The following DNA2 variants were observed in gnomAD, a reference collection of about 807,000 sequenced individuals.
DNA2 encodes the protein DNA replication ATP-dependent helicase/nuclease DNA2.
DNA2 carries 101 observed loss-of-function variants against 119.1 expected under a neutral mutation model. The observed-to-expected ratio is 0.85, with a 90% confidence interval of 0.72 to 1.00. The LOEUF (loss-of-function observed/expected upper bound fraction) is 1.00, where lower values mean the gene tolerates loss of function less well. DNA2 is among the 50% of genes least tolerant of loss of function. The pLI is 0.00. For synonymous variants in DNA2, 366 were observed against 424.4 expected (o/e 0.86, Z 1.69); for missense variants, 1,121 against 1,255.5 (o/e 0.89, Z 1.62).
chr10:68,468,357 T>C (rs771039684), intron 2 of DNA2, 51 bp from the exon 3 acceptor site: 3 of 1,235,794 alleles, frequency 2.4e-6, no homozygotes, highest in South Asian at 2.6e-5. Context: ...GGTTCCTACA[T>C]GTAAACGTAT....
intron 1 of DNA2, 73 bp downstream of exon 1, chr10:68,471,718 C>A (rs1042953743): frequency 1.6e-5 from 23 of 1,468,924 alleles, no homozygotes; most frequent in East Asian, 2.5e-5. Context: ...TGAGGCGGTG[C>A]GGACGCAGCC....
Position 68,443,356 on chromosome 10 carries a change from G to A in DNA2, c.1221-245C>T, listed in dbSNP as rs77444626. Reference sequence around the variant, plus strand: ...CTATCCCCCAAACAACTCAGGTTGGGTAAACCCTAATCTTCATTCCCATAT... The same window carrying A: ...CTATCCCCCAAACAACTCAGGTTGGATAAACCCTAATCTTCATTCCCATAT... On this transcript the variant is annotated intron_variant, in intron 8 of 20. Transcript: ENST00000358410. Among the ~76,000 whole-genome samples the A allele has an allele frequency of 4.5e-3, 679 of 152,250 alleles. 5 individuals are homozygous for A. The highest frequency in any genetic ancestry group is 0.015 in the African/African-American group (604 of 41,552).
In DNA2 at chr10:68,415,275, CT is replaced by C. The variant is rs549702509; in HGVS notation, c.3115-169del. On this transcript the variant is annotated intron_variant, in intron 20 of 20. Coordinates refer to ENST00000358410, the MANE Select transcript of DNA2 (RefSeq NM_001080449.3). ...CCTTTAAGCAACAGGAGTTATTTAT[CT>C]TTTTTTTTTTTTTTTCTGAGATGGA... Among the ~76,000 whole-genome samples the C allele has an allele frequency of 0.14, 18,871 of 138,712 alleles. 1,262 individuals carry two copies. Among genetic ancestry groups the C allele is most frequent in the South Asian group, 0.24 (1,054 of 4,390 alleles). 91.0% of individuals were successfully genotyped at this position (138,712 alleles called of 152,430 possible).
In DNA2 at chr10:68,450,108, C is replaced by A; in HGVS notation, c.859G>T (p.Gly287Trp). Reference protein sequence around the residue: ...DVTVGVKIHRGYKTKYKIMPL... With the variant: ...DVTVGVKIHRWYKTKYKIMPL... ...ATTATCTTGTATTTTGTTTTATACC[C>A]TCGATGTATTTTCACACCAACTGTA... The change falls in exon 6 of 21, where the codon GGG becomes TGG. Residue 287 changes from glycine to tryptophan, a missense_variant. Transcript: ENST00000358410. The A allele has an allele frequency of 6.2e-7, 1 of 1,604,096 alleles. No homozygotes were observed.
intron 5 of DNA2, among the ~76,000 whole-genome samples, chr10:68,454,462 G>T (rs2052158559): frequency 6.6e-6 from 1 of 150,946 alleles, no homozygotes; most frequent in African/African-American, 2.4e-5. Context: ...AAAAGTAAAA[G>T]AAAAGCTTAT....
At chr10:68,424,640 G>C in intron 14 of DNA2, 1 of 1,599,376 alleles carries the variant, frequency 6.3e-7, no homozygotes, top group Admixed American at 1.7e-5. Flanking sequence ...ACGTGCACCG[G>C]AAGATCATGT....
At chr10:68,462,516 G>A in intron 4 of DNA2, among the ~76,000 whole-genome samples, 1 of 152,058 alleles carries the variant, frequency 6.6e-6, no homozygotes. Context: ...TAGTGTAAAG[G>A]GGTCCTGAGA....
chr10:68,471,747 A>G (rs1249017360), intron 1 of DNA2, 44 bp downstream of exon 1: 1 of 1,527,582 alleles, frequency 6.5e-7, no homozygotes, highest in Non-Finnish European at 8.8e-7. Context: ...TCCTTCTTTC[A>G]AATCTCCCGC....
At chr10:68,434,649 C>CA (rs11317417) in intron 10 of DNA2, among the ~76,000 whole-genome samples, 152 of 142,980 alleles carry the variant, frequency 1.1e-3, no homozygotes, top group East Asian at 5.1e-3. Context: ...GACCATGTGT[C>CA]AAAAAAAAAA....
At chr10:68,424,503 C>CA (rs60968180) in intron 14 of DNA2, 76,401 of 458,762 alleles carry the variant, frequency 0.17, 492 homozygotes, top group Non-Finnish European at 0.19. Flanking sequence ...GTCACTGTCT[C>CA]AAAAAAAAAA....
Position 68,424,856 on chromosome 10 carries a change from T to G in DNA2, c.2209-1966A>C, listed in dbSNP as rs2051716333. On this transcript the variant is annotated intron_variant, in intron 14 of 20. Transcript: ENST00000358410. ...ACAGCACAACCGTCCACGTGGGTAC[T>G]CACCCAAACAAGGTGGTTATCACCA... 5 of 792,108 alleles carry G rather than the reference T, an allele frequency of 6.3e-6. No individual in the cohort carries two copies. The East Asian group carries it at 9.9e-5, about 16-fold the overall frequency. 49.1% of individuals were successfully genotyped at this position (792,108 alleles called of 1,614,324 possible).
In DNA2 at chr10:68,414,433, G is replaced by A. The variant is rs868451111; in HGVS notation, c.*606C>T. The A allele has an allele frequency of 2.0e-5, 3 of 152,096 alleles. No individual in the cohort carries two copies. Among genetic ancestry groups the A allele is most frequent in the Non-Finnish European group, 4.4e-5 (3 of 68,010 alleles). The allele number at this position is 152,096 out of a possible 1,614,324, so 9.4% of individuals were successfully genotyped here. A position where few individuals can be genotyped will look rare whatever the true frequency, so the allele number is the denominator to read the frequency against. ...GAAAACAAAATTTGTTGCAAAAGAT[G>A]ATGTAAGAATTATTTTCTTTTATAT... On this transcript the variant is annotated 3_prime_UTR_variant, in exon 21 of 21. Coordinates refer to ENST00000358410, the MANE Select transcript of DNA2 (RefSeq NM_001080449.3).
At position 68,423,491 on chromosome 10, in the gene DNA2, G is replaced by C. The variant is rs570409792; in HGVS notation, c.2209-601C>G. Among the ~76,000 whole-genome samples the C allele has an allele frequency of 7.2e-5, 11 of 152,252 alleles. No homozygotes were observed. In the South Asian group the frequency reaches 8.3e-4, roughly 11 times the overall value. ...CAAAGTCTGCTCTCTCCAGCTGAAG[G>C]AACAGGAAAAGGAAAGCCTAGCTAG... On this transcript the variant is annotated intron_variant, in intron 14 of 20. Transcript: ENST00000358410.
intron 1 of DNA2, among the ~76,000 whole-genome samples, chr10:68,471,089 C>CA (rs2052376661): frequency 6.6e-6 from 1 of 152,174 alleles, no homozygotes; most frequent in African/African-American, 2.4e-5. Context: ...TTGACTGAGG[C>CA]ATCAGTGAGG....
At chr10:68,426,112 G>C (rs1231042239) in intron 14 of DNA2, among the ~76,000 whole-genome samples, 2 of 152,096 alleles carry the variant, frequency 1.3e-5, no homozygotes, top group African/African-American at 4.8e-5. Flanking sequence ...CTCCAGCCTA[G>C]GTGACAGAGG....
chr10:68,466,229 T>C (rs2052325273), intron 3 of DNA2, among the ~76,000 whole-genome samples: 1 of 152,122 alleles, frequency 6.6e-6, no homozygotes, highest in Non-Finnish European at 1.5e-5. Flanking sequence ...GGTTTCACCA[T>C]GTTGGCCAGG....
chr10:68,419,437 G>A, intron 18 of DNA2: 1 of 525,798 alleles, frequency 1.9e-6, no homozygotes, highest in South Asian at 2.7e-5. Flanking sequence ...AGTTTCATGA[G>A]AACGTAAAGG....
chr10:68,424,738 G>T (rs1036335091), intron 14 of DNA2: 185 of 1,560,726 alleles, frequency 1.2e-4, no homozygotes, highest in Non-Finnish European at 1.5e-4. Flanking sequence ...GTAGTTCAAG[G>T]ACACTACAAA....
rs565853603 is a variant in DNA2 at position 68,425,263 on chromosome 10, T to G, written c.2209-2373A>C. On this transcript the variant is annotated intron_variant, in intron 14 of 20. Transcript: ENST00000358410. ...GTGCCTGACACCATGCCCAGCTAAT[T>G]TTTTGTATTTTTAGTAGAGGCAGGG... is the stretch of plus-strand genomic sequence containing the variant. Among the ~76,000 whole-genome samples the G allele has an allele frequency of 1.7e-3, 263 of 150,854 alleles. 1 individual carries two copies. The highest frequency in any genetic ancestry group is 3.0e-3 in the Non-Finnish European group (200 of 67,770).
Sources: gnomAD v4.1 joint callset for allele counts (sites outside exome capture counted in the v4.1 genomes callset) on GRCh38, gnomAD v4.1.1 for gene constraint, MANE v1.5 for transcripts, NCBI Gene and HGNC (gene_info 2026-07-23, HGNC 2026-07-21) for gene names.